TSPAN13: variants seen among roughly 807,000 people sequenced by gnomAD.
TSPAN13 encodes tetraspanin-13.
A neutral mutation model predicts 26.9 loss-of-function variants in TSPAN13; 18 were observed. That is an observed-to-expected ratio of 0.67 (90% CI 0.46 to 0.99). TSPAN13 has a LOEUF of 0.99. Ranked by LOEUF, TSPAN13 falls within the 50% of genes least tolerant of loss-of-function variation. TSPAN13 has a pLI of 0.00. For missense variants in TSPAN13, 201 were observed against 249.6 expected, an observed-to-expected ratio of 0.81 and a Z score of 1.31; for synonymous variants, 116 against 98.4, an observed-to-expected ratio of 1.18 and a Z score of -1.06.
chr7:16,757,919 C>T (rs553527316), intron 1 of TSPAN13, among the ~76,000 whole-genome samples: 54 of 152,202 alleles, frequency 3.5e-4, no homozygotes, highest in African/African-American at 1.2e-3. Context: ...CTGCAACCTC[C>T]GCCTCCTGGG....
chr7:16,757,522 T>C (rs971929208), intron 1 of TSPAN13, among the ~76,000 whole-genome samples: 2 of 152,124 alleles, frequency 1.3e-5, no homozygotes, highest in South Asian at 4.1e-4. Context: ...AAAAGGTAGC[T>C]GACTTTGTTA....
intron 2 of TSPAN13, 97 bp from the exon 3 acceptor site, chr7:16,776,945 T>G: frequency 1.4e-6 from 1 of 707,200 alleles, no homozygotes; most frequent in Middle Eastern, 4.0e-4. Context: ...TCTGGGTTAA[T>G]TACTTCTTGT....
chr7:16,762,698 A>T (rs1784557734), intron 1 of TSPAN13, among the ~76,000 whole-genome samples: 1 of 152,182 alleles, frequency 6.6e-6, no homozygotes. Flanking sequence ...AACCCAGGGC[A>T]TGTGCATAAT....
chr7:16,777,096 T>C lies in TSPAN13; in HGVS notation c.286T>C (p.Cys96Arg). 1 of 1,613,774 alleles carries C rather than the reference T, an allele frequency of 6.2e-7. No individual in the cohort carries two copies. Among genetic ancestry groups the C allele is most frequent in the Non-Finnish European group, 8.5e-7 (1 of 1,179,766 alleles). Residue 96 changes from cysteine (C) to arginine (R), a missense_variant, in exon 3 of 6, where the codon TGT becomes CGT. Coordinates refer to ENST00000262067, the MANE Select transcript of TSPAN13 (RefSeq NM_014399.4). The stretch of plus-strand genomic sequence containing the variant: ...TGTTCAGTTTTCTGTATCTTGCGCT[T>C]GTTTAGCCCTGAACCAGGAGCAACA... The part of the protein sequence containing the change: ...FIVQFSVSCA[C>R]LALNQEQQGQ...
At chr7:16,782,661 A>T (rs1268787237) in intron 5 of TSPAN13, among the ~76,000 whole-genome samples, 1 of 152,212 alleles carries the variant, frequency 6.6e-6, no homozygotes, top group Admixed American at 6.5e-5. Context: ...GGTAGGAATT[A>T]TAACATTTTA....
At chr7:16,781,805 T>C (rs748801222) in intron 5 of TSPAN13, among the ~76,000 whole-genome samples, 1 of 152,164 alleles carries the variant, frequency 6.6e-6, no homozygotes, top group African/African-American at 2.4e-5. Flanking sequence ...TGGCAAGTGA[T>C]ATTTGGGCAG....
chr7:16,774,711 C>G (rs1206577236), intron 1 of TSPAN13, among the ~76,000 whole-genome samples: 2 of 152,146 alleles, frequency 1.3e-5, no homozygotes, highest in Non-Finnish European at 1.5e-5. Context: ...ATTTTTGCCT[C>G]TCCTTGTCCC....
chr7:16,754,560 G>A (rs1190481178), intron 1 of TSPAN13, among the ~76,000 whole-genome samples: 11 of 152,226 alleles, frequency 7.2e-5, no homozygotes, highest in Non-Finnish European at 1.3e-4. Context: ...CAGGATGTCC[G>A]CTGCTTCCGA....
At chr7:16,781,845 A>C (rs896078305) in intron 5 of TSPAN13, among the ~76,000 whole-genome samples, 1 of 152,174 alleles carries the variant, frequency 6.6e-6, no homozygotes, top group African/African-American at 2.4e-5. Context: ...ACTCAAAGAA[A>C]TAGTTGTTTA....
Position 16,753,876 on chromosome 7 carries a change from GCCAGGC to G in TSPAN13, c.-89_-84del, listed in dbSNP as rs1246719517. The G allele has an allele frequency of 2.9e-6, 4 of 1,381,540 alleles. No individual in the cohort carries two copies. The East Asian group carries it at 7.5e-5, about 26-fold the overall frequency. The allele number at this position is 1,381,540 out of a possible 1,614,324, so 85.6% of individuals were successfully genotyped here. ...ACGTCTGCGTTGCTGCCCCGCCTGG[GCCAGGC>G]CCCAAAGGCAAGGACAAAGCAGCTG... On this transcript the variant is annotated 5_prime_UTR_variant, in exon 1 of 6. Coordinates refer to ENST00000262067, the MANE Select transcript of TSPAN13 (RefSeq NM_014399.4).
rs946782852 is a variant in TSPAN13, at chr7:16,754,114, C to G, written c.63+84C>G. 6 of 1,407,842 alleles carry G rather than the reference C, an allele frequency of 4.3e-6. No homozygotes were observed. The Admixed American group carries it at 1.1e-4, about 27-fold the overall frequency. 87.2% of individuals were successfully genotyped at this position (1,407,842 alleles called of 1,614,324 possible). A position where few individuals can be genotyped will look rare whatever the true frequency, so the allele number is the denominator to read the frequency against. On this transcript the variant is annotated intron_variant, in intron 1 of 5. Coordinates refer to ENST00000262067, the MANE Select transcript of TSPAN13 (RefSeq NM_014399.4). ...TTTGGCTTCCCTGCCTGGTCAGCGACTCACTCGTTGCATCCCGCGCCCCCT... is the reference window on the plus strand; with the variant it reads ...TTTGGCTTCCCTGCCTGGTCAGCGAGTCACTCGTTGCATCCCGCGCCCCCT...
chr7:16,758,598 TG>T (rs1784508270), intron 1 of TSPAN13, among the ~76,000 whole-genome samples: 1 of 152,224 alleles, frequency 6.6e-6, no homozygotes, highest in African/African-American at 2.4e-5. Flanking sequence ...AACAATATTT[TG>T]TTACTTTTAG....
At chr7:16,761,564 G>C (rs1352492711) in intron 1 of TSPAN13, among the ~76,000 whole-genome samples, 1 of 152,070 alleles carries the variant, frequency 6.6e-6, no homozygotes, top group African/African-American at 2.4e-5. Context: ...TGTCACTAAG[G>C]CTGGAGTGCA....
At position 16,754,039 on chromosome 7, in the gene TSPAN13, C is replaced by A. The variant is rs1205243216; in HGVS notation, c.63+9C>A. 1.9e-6 allele frequency: 3 copies of A among 1,613,380 alleles called. No homozygotes were observed. Among genetic ancestry groups the A allele is most frequent in the Non-Finnish European group, 2.5e-6 (3 of 1,179,592 alleles). ...TCAACCTGCTTTACACCGTGAGTATCCCCAGTCCGTTCCTGCTCGCTTGGG... is the reference window on the plus strand; with the variant it reads ...TCAACCTGCTTTACACCGTGAGTATACCCAGTCCGTTCCTGCTCGCTTGGG... On this transcript the variant is annotated intron_variant, in intron 1 of 5. Transcript: ENST00000262067.
chr7:16,775,115 A>G (rs1026926031), intron 1 of TSPAN13, among the ~76,000 whole-genome samples: 3 of 152,114 alleles, frequency 2.0e-5, no homozygotes, highest in African/African-American at 7.2e-5. Context: ...ATTTTTCCTA[A>G]TTGGGTATTA....
At chr7:16,759,214 T>C (rs1397378909) in intron 1 of TSPAN13, among the ~76,000 whole-genome samples, 1 of 152,166 alleles carries the variant, frequency 6.6e-6, no homozygotes, top group Non-Finnish European at 1.5e-5. Context: ...AGACTGTTCT[T>C]GCATTGCTAT....
chr7:16,774,333 A>G (rs1784715470), intron 1 of TSPAN13, among the ~76,000 whole-genome samples: 1 of 152,200 alleles, frequency 6.6e-6, no homozygotes, highest in Non-Finnish European at 1.5e-5. Context: ...GAAGTACAGC[A>G]AGCTGCTCTG....
chr7:16,780,600 A>C (rs1359430472), intron 5 of TSPAN13, among the ~76,000 whole-genome samples: 1 of 152,136 alleles, frequency 6.6e-6, no homozygotes. Flanking sequence ...TGTTATGAAA[A>C]CTTAAAAATA....
At chr7:16,755,824 C>T (rs755546952) in intron 1 of TSPAN13, among the ~76,000 whole-genome samples, 76 of 152,060 alleles carry the variant, frequency 5.0e-4, no homozygotes, top group Non-Finnish European at 8.2e-4. Flanking sequence ...TAGAGTATAT[C>T]AGGAAAGTGA....
Sources: allele counts gnomAD v4.1 joint callset (sites outside exome capture counted in the v4.1 genomes callset), GRCh38; gene constraint gnomAD v4.1.1; transcripts MANE v1.5; gene names NCBI Gene and HGNC (gene_info 2026-07-23, HGNC 2026-07-21).